CAPN5: variants seen among roughly 807,000 people sequenced by gnomAD.
CAPN5 encodes the protein calpain-5.
Under a neutral mutation model 73.0 loss-of-function variants are expected in CAPN5, and 54 were observed. The ratio of observed to expected loss-of-function variants is 0.74; its 90% CI spans 0.59 to 0.93. CAPN5 has a LOEUF of 0.93. Among genes scored for constraint, CAPN5 ranks in the 40% least tolerant of loss-of-function variants. CAPN5 has a pLI of 0.00. For synonymous variants in CAPN5, 335 were observed against 356.9 expected (o/e 0.94, Z 0.69); for missense variants, 785 against 882.9 (o/e 0.89, Z 1.41).
At chr11:77,122,475 C>A (rs1950530107) in intron 11 of CAPN5, 101 bp from the exon 12 acceptor site, 6 of 1,028,940 alleles carry the variant, frequency 5.8e-6, no homozygotes, top group Non-Finnish European at 8.7e-6. Context: ...GTCTCTCCAT[C>A]TGAATAACTG....
intron 2 of CAPN5, 114 bp from the exon 3 acceptor site, chr11:77,093,568 G>A: frequency 7.0e-7 from 1 of 1,434,504 alleles, no homozygotes; most frequent in East Asian, 2.5e-5. Flanking sequence ...TCACCATGCT[G>A]ATGATCACAC....
chr11:77,068,483 A>C (rs1949869278), intron 1 of CAPN5, among the ~76,000 whole-genome samples: 1 of 152,026 alleles, frequency 6.6e-6, no homozygotes, highest in East Asian at 1.9e-4. Flanking sequence ...AAATCCACCA[A>C]GCAGAAAAGA....
intron 3 of CAPN5, among the ~76,000 whole-genome samples, chr11:77,094,128 T>C (rs533375567): frequency 1.3e-5 from 2 of 152,216 alleles, no homozygotes; most frequent in Non-Finnish European, 2.9e-5. Context: ...GTGCATCACA[T>C]TTAGTGTGCA....
At chr11:77,068,223 T>A (rs1555032472) in intron 1 of CAPN5, among the ~76,000 whole-genome samples, 1 of 152,012 alleles carries the variant, frequency 6.6e-6, no homozygotes, top group East Asian at 1.9e-4. Context: ...GTGGCTGCCT[T>A]TGCCTCCTGG....
chr11:77,069,303 C>G (rs1949877647), intron 1 of CAPN5, among the ~76,000 whole-genome samples: 1 of 152,188 alleles, frequency 6.6e-6, no homozygotes, highest in African/African-American at 2.4e-5. Flanking sequence ...TACATGGTGT[C>G]TGGTAGCCAT....
chr11:77,106,124 C>G (rs1257189207), intron 3 of CAPN5, among the ~76,000 whole-genome samples: 2 of 152,094 alleles, frequency 1.3e-5, no homozygotes, highest in Non-Finnish European at 2.9e-5. Context: ...TGGAATGAGC[C>G]CTGCTTCAAA....
intron 3 of CAPN5, among the ~76,000 whole-genome samples, chr11:77,107,694 G>A (rs1950366123): frequency 1.3e-5 from 2 of 152,180 alleles, no homozygotes; most frequent in East Asian, 3.9e-4. Flanking sequence ...GGTGGCCGTT[G>A]GTGGATCACA....
Position 77,112,633 on chromosome 11 carries a change from C to A in CAPN5, c.342C>A (p.Pro114=), listed in dbSNP as rs782520839. ...AGCAGGAATGGGACCCCGAAAAGCC[C>A]AACGCCTACGCGGGCATCTTCCACT... ...WKEQEWDPEK[P]NAYAGIFHFH... The change falls in exon 4 of 13, where the codon CCC becomes CCA. Residue 114 remains proline, a synonymous_variant. Coordinates refer to ENST00000648180, the MANE Select transcript of CAPN5 (RefSeq NM_004055.5). The A allele has an allele frequency of 1.6e-5, 26 of 1,614,090 alleles. No homozygotes were observed. The East Asian group carries it at 5.1e-4, about 32-fold the overall frequency.
chr11:77,094,511 C>G (rs1186066018), intron 3 of CAPN5, among the ~76,000 whole-genome samples: 3 of 152,264 alleles, frequency 2.0e-5, no homozygotes, highest in African/African-American at 7.2e-5. Context: ...GGCAGGGAGG[C>G]TGGAGTGGAG....
At chr11:77,121,405 G>A (rs568331257) in intron 10 of CAPN5, among the ~76,000 whole-genome samples, 347 of 152,364 alleles carry the variant, frequency 2.3e-3, no homozygotes, top group Non-Finnish European at 3.8e-3. Flanking sequence ...TGTGCGTCCC[G>A]CACTGCCCTC....
chr11:77,093,599 GTCTGTGTCTGTCA>G (rs1292615371), intron 2 of CAPN5, 70 bp from the exon 3 acceptor site: 241 of 1,359,570 alleles, frequency 1.8e-4, no homozygotes, highest in Non-Finnish European at 2.1e-4. Flanking sequence ...TGTCTGTCAC[GTCTGTGTCTGTCA>G]TGTCTCCTGC....
chr11:77,113,881 G>A (rs1555041160), intron 4 of CAPN5, among the ~76,000 whole-genome samples: 1 of 152,164 alleles, frequency 6.6e-6, no homozygotes, highest in African/African-American at 2.4e-5. Context: ...AGTGCTATGG[G>A]CCATCACCAC....
rs542257235 is a variant in CAPN5 at position 77,123,937 on chromosome 11, C to G, written c.*67C>G. Reference sequence around the variant, plus strand: ...CTGCATGTCCCCACTGGGCCTGAGTCTAGCCTGGGAGCCAGGATACTGGGG... The same window carrying G: ...CTGCATGTCCCCACTGGGCCTGAGTGTAGCCTGGGAGCCAGGATACTGGGG... On this transcript the variant is annotated 3_prime_UTR_variant, in exon 13 of 13. Transcript: ENST00000648180. 9.4e-6 allele frequency: 14 copies of G among 1,492,336 alleles called. No individual in the cohort carries two copies. In the South Asian group the frequency reaches 1.7e-4, roughly 18 times the overall value. 92.4% of individuals were successfully genotyped at this position (1,492,336 alleles called of 1,614,324 possible).
Position 77,084,912 on chromosome 11 carries a change from AG to A in CAPN5, c.28del (p.Asp10ThrfsTer7). 6.2e-7 allele frequency: 1 copy of A among 1,614,054 alleles called. No individual in the cohort carries two copies. The highest frequency in any genetic ancestry group is 1.1e-5 in the South Asian group (1 of 91,076). MFSCVKPY[E>X]DQNYSALRRD... ...ATGTTCTCGTGTGTGAAGCCCTATG[AG>A]GACCAGAACTACTCAGCCCTGAGGC... On this transcript the variant is annotated frameshift_variant, in exon 2 of 13. Coordinates refer to ENST00000648180, the MANE Select transcript of CAPN5 (RefSeq NM_004055.5). LOFTEE classifies it high-confidence loss of function.
Position 77,112,639 on chromosome 11 carries a change from C to T in CAPN5, c.348C>T (p.Ala116=), listed in dbSNP as rs782525814. The T allele has an allele frequency of 4.3e-6, 7 of 1,614,236 alleles. No individual in the cohort carries two copies. The Admixed American group carries it at 1.0e-4, about 23-fold the overall frequency. ...EQEWDPEKPN[A]YAGIFHFHFW... ...AATGGGACCCCGAAAAGCCCAACGC[C>T]TACGCGGGCATCTTCCACTTCCACT... Residue 116 remains alanine, a synonymous_variant, in exon 4 of 13, where the codon GCC becomes GCT. Coordinates refer to ENST00000648180, the MANE Select transcript of CAPN5 (RefSeq NM_004055.5).
chr11:77,101,245 TC>T (rs1453779419), intron 3 of CAPN5, among the ~76,000 whole-genome samples: 4 of 152,174 alleles, frequency 2.6e-5, no homozygotes, highest in Non-Finnish European at 4.4e-5. Flanking sequence ...AAGACACACT[TC>T]CTACCCTCTC....
At chr11:77,100,620 G>A (rs1417253724) in intron 3 of CAPN5, among the ~76,000 whole-genome samples, 8 of 152,094 alleles carry the variant, frequency 5.3e-5, no homozygotes, top group South Asian at 2.1e-4. Context: ...AGTGCTGCCC[G>A]GACCACAGCG....
At chr11:77,122,752 GC>G (rs782498496) in intron 12 of CAPN5, 40 bp downstream of exon 12, 4 of 1,608,592 alleles carry the variant, frequency 2.5e-6, no homozygotes, top group Non-Finnish European at 3.4e-6. Flanking sequence ...TGGGCTCCTA[GC>G]CTGAGGCTTC....
At chr11:77,087,696 A>C (rs1950103264) in intron 2 of CAPN5, among the ~76,000 whole-genome samples, 1 of 152,120 alleles carries the variant, frequency 6.6e-6, no homozygotes, top group Admixed American at 6.5e-5. Context: ...CTGGAAACCG[A>C]AATGACTTGA....
Sources: allele counts gnomAD v4.1 joint callset (sites outside exome capture counted in the v4.1 genomes callset), GRCh38; gene constraint gnomAD v4.1.1; transcripts MANE v1.5; gene names NCBI Gene and HGNC (gene_info 2026-07-23, HGNC 2026-07-21).